KLRG1: variants seen among roughly 807,000 people sequenced by gnomAD.
KLRG1 encodes killer cell lectin-like receptor subfamily G member 1.
KLRG1 carries 16 observed loss-of-function variants against 21.8 expected under a neutral mutation model. The observed-to-expected ratio is 0.73, with a 90% CI of 0.50 to 1.11. KLRG1 has a LOEUF of 1.11. Ranked by LOEUF, KLRG1 falls within the 50% of genes most tolerant of loss-of-function variation. KLRG1 has a pLI of 0.00. For synonymous variants in KLRG1, 69 were observed against 75.9 expected (o/e 0.91, Z 0.47); for missense variants, 173 against 218.3 (o/e 0.79, Z 1.31).
At chr12:9,131,380 A>C in the KLRG1 span, among the ~76,000 whole-genome samples, 2 of 152,176 alleles carry the variant, frequency 1.3e-5, no homozygotes, top group Non-Finnish European at 2.9e-5. Context: ...ACAGCTTTCC[A>C]TGTTAGTATA....
the KLRG1 span, chr12:9,168,657 G>T: frequency 1.8e-5 from 8 of 446,438 alleles, no homozygotes; most frequent in South Asian, 5.3e-5. Context: ...ATCTGATTTT[G>T]TGCCCTGAAG....
At chr12:9,109,391 C>A in the KLRG1 span, 1 of 1,612,756 alleles carries the variant, frequency 6.2e-7, no homozygotes, top group African/African-American at 1.3e-5. Flanking sequence ...ACTTGTACTT[C>A]AAACTTGGGA....
chr12:9,063,468 C>CGT, the KLRG1 span, among the ~76,000 whole-genome samples: 2 of 152,142 alleles, frequency 1.3e-5, no homozygotes, highest in African/African-American at 4.8e-5. Context: ...CATTTCCTGT[C>CGT]GTGTATCTAT....
At chr12:9,161,140 TA>T in the KLRG1 span, 1 of 1,495,692 alleles carries the variant, frequency 6.7e-7, no homozygotes, top group Non-Finnish European at 9.2e-7. Context: ...CAGCCCATGT[TA>T]AAGGAGGACA....
At chr12:9,027,295 G>C in the KLRG1 span, among the ~76,000 whole-genome samples, 1 of 151,210 alleles carries the variant, frequency 6.6e-6, no homozygotes, top group Non-Finnish European at 1.5e-5. Flanking sequence ...CCCTTTGTTG[G>C]AATGCTTTAT....
the KLRG1 span, among the ~76,000 whole-genome samples, chr12:9,207,224 C>T: frequency 6.6e-6 from 1 of 152,176 alleles, no homozygotes. Context: ...GAAGACTTCC[C>T]TGTATCAGTC....
the KLRG1 span, chr12:9,076,771 C>CA: frequency 2.5e-6 from 4 of 1,613,790 alleles, no homozygotes; most frequent in Non-Finnish European, 3.4e-6. Flanking sequence ...TTCACAGCTT[C>CA]CTCATTAAGT....
intron 1 of KLRG1, among the ~76,000 whole-genome samples, chr12:8,983,390 T>TACAGGCGCC (rs1565542661): frequency 8.8e-5 from 13 of 147,396 alleles, no homozygotes; most frequent in African/African-American, 3.3e-4. Context: ...GTCTTACCAT[T>TACAGGCGCC]TTACCTTTTT....
At chr12:9,081,363 T>C in the KLRG1 span, among the ~76,000 whole-genome samples, 1 of 152,182 alleles carries the variant, frequency 6.6e-6, no homozygotes, top group Non-Finnish European at 1.5e-5. Flanking sequence ...TATGGAAATG[T>C]ATCCTGGTGG....
the KLRG1 span, among the ~76,000 whole-genome samples, chr12:9,188,192 C>T: frequency 6.6e-6 from 1 of 152,210 alleles, no homozygotes; most frequent in Non-Finnish European, 1.5e-5. Context: ...AAGTAGACTT[C>T]ATCCCTGGGA....
the KLRG1 span, chr12:9,194,050 C>T: frequency 1.3e-6 from 2 of 1,586,670 alleles, no homozygotes; most frequent in Non-Finnish European, 8.6e-7. Context: ...TTCCTTTGTC[C>T]TCAGAGATTT....
At chr12:9,027,244 C>A in the KLRG1 span, among the ~76,000 whole-genome samples, 1 of 149,626 alleles carries the variant, frequency 6.7e-6, no homozygotes, top group Non-Finnish European at 1.5e-5. Flanking sequence ...ATTTAGCAAT[C>A]AACAGCATGG....
chr12:8,955,430 A>G (rs1946275680), intron 1 of KLRG1, among the ~76,000 whole-genome samples: 1 of 115,408 alleles, frequency 8.7e-6, no homozygotes. Context: ...AGTCTCTATC[A>G]CTCAGGCTGG....
the KLRG1 span, chr12:9,074,899 C>G: frequency 9.2e-7 from 1 of 1,091,140 alleles, no homozygotes; most frequent in Non-Finnish European, 1.3e-6. Context: ...ATCCCCTGTA[C>G]TGTATGTAGA....
the KLRG1 span, chr12:9,028,149 CTTTT>C: frequency 2.0e-4 from 99 of 485,308 alleles, no homozygotes; most frequent in Middle Eastern, 5.8e-4. Context: ...TCGTCTTCTT[CTTTT>C]TTTTTTTTTT....
chr12:9,112,493 A>G, the KLRG1 span: 3 of 1,613,724 alleles, frequency 1.9e-6, no homozygotes, highest in South Asian at 3.3e-5. Flanking sequence ...TTTCACTTGG[A>G]CAGTGAGGAA....
At chr12:9,101,247 G>T in the KLRG1 span, 2 of 1,536,492 alleles carry the variant, frequency 1.3e-6, no homozygotes, top group Non-Finnish European at 1.8e-6. Context: ...ATGTGCCAGA[G>T]AGAACACGCT....
the KLRG1 span, among the ~76,000 whole-genome samples, chr12:9,147,210 A>G: frequency 2.6e-5 from 4 of 152,182 alleles, no homozygotes; most frequent in African/African-American, 9.7e-5. Context: ...GACCAGGGAG[A>G]AGGATCTATA....
chr12:9,095,569 T>C, the KLRG1 span: 6 of 1,612,630 alleles, frequency 3.7e-6, no homozygotes, highest in Non-Finnish European at 5.1e-6. Context: ...CCTTTTCATT[T>C]GTACTTGATA....
Sources: allele counts gnomAD v4.1 joint callset (sites outside exome capture counted in the v4.1 genomes callset), GRCh38; gene constraint gnomAD v4.1.1; transcripts MANE v1.5; gene names NCBI Gene and HGNC (gene_info 2026-07-23, HGNC 2026-07-21).